Variants in TEKT1 observed in about 807,000 individuals in gnomAD.
TEKT1 encodes tektin-1.
In TEKT1, 32 loss-of-function variants were observed where a neutral mutation model predicts 34.8. That is an observed-to-expected ratio of 0.92 (90% CI 0.69 to 1.23). The LOEUF is 1.23. Ranked by LOEUF, TEKT1 falls within the 50% of genes most tolerant of loss-of-function variation. The probability of loss-of-function intolerance (pLI) is 0.00; values close to 1 mark genes in which losing one functional copy is unlikely to be tolerated. For missense variants in TEKT1, 492 were observed against 518.5 expected (o/e 0.95, Z 0.50); for synonymous variants, 207 against 199.8 (o/e 1.04, Z -0.30).
At chr17:6,804,673 G>A (rs1478488807) in intron 6 of TEKT1, among the ~76,000 whole-genome samples, 19 of 152,068 alleles carry the variant, frequency 1.2e-4, no homozygotes, top group East Asian at 5.8e-4. Flanking sequence ...AGCATGAAGC[G>A]TTGTTGAATT....
intron 2 of TEKT1, among the ~76,000 whole-genome samples, chr17:6,819,774 G>A (rs1189792911): frequency 1.3e-5 from 2 of 152,178 alleles, no homozygotes; most frequent in African/African-American, 2.4e-5. Flanking sequence ...TGCAAGCTCT[G>A]CCTCCCAGGT....
intron 2 of TEKT1, among the ~76,000 whole-genome samples, chr17:6,828,925 C>T (rs978337280): frequency 9.9e-5 from 15 of 151,654 alleles, no homozygotes; most frequent in Non-Finnish European, 1.6e-4. Flanking sequence ...CTGAGGCGGG[C>T]GGACCACCTG....
chr17:6,824,058 G>A (rs749373759), intron 2 of TEKT1, among the ~76,000 whole-genome samples: 4 of 151,932 alleles, frequency 2.6e-5, no homozygotes, highest in Admixed American at 6.6e-5. Flanking sequence ...TCCTGATCTC[G>A]TGATCTGCCC....
chr17:6,804,549 G>A (rs1597785281), intron 6 of TEKT1, among the ~76,000 whole-genome samples: 1 of 152,342 alleles, frequency 6.6e-6, no homozygotes, highest in Non-Finnish European at 1.5e-5. Context: ...AGTTTTCAAA[G>A]GGAATGTTTC....
At chr17:6,815,739 CCTTT>C (rs1976996423) in intron 4 of TEKT1, 91 bp downstream of exon 4, 9 of 1,549,988 alleles carry the variant, frequency 5.8e-6, no homozygotes, top group Admixed American at 3.6e-5. Flanking sequence ...ATGTTGAACC[CCTTT>C]CTTTCTGTGC....
At chr17:6,807,745 T>C (rs1567677544) in intron 6 of TEKT1, among the ~76,000 whole-genome samples, 1 of 152,206 alleles carries the variant, frequency 6.6e-6, no homozygotes, top group Non-Finnish European at 1.5e-5. Flanking sequence ...CCAAACCCTG[T>C]TTGCCTGGGT....
At chr17:6,826,852 C>T (rs921753228) in intron 2 of TEKT1, among the ~76,000 whole-genome samples, 6 of 151,500 alleles carry the variant, frequency 4.0e-5, no homozygotes, top group Non-Finnish European at 2.9e-5. Flanking sequence ...CCCGCCACCA[C>T]GCCCAGCTAA....
intron 2 of TEKT1, among the ~76,000 whole-genome samples, chr17:6,820,955 T>TA (rs1188278154): frequency 6.6e-6 from 1 of 152,248 alleles, no homozygotes; most frequent in African/African-American, 2.4e-5. Flanking sequence ...TGCCCTGAGT[T>TA]ACAGTTTGTA....
chr17:6,812,712 G>A (rs1224428500), intron 6 of TEKT1, 119 bp downstream of exon 6: 5 of 953,066 alleles, frequency 5.2e-6, no homozygotes, highest in Admixed American at 4.7e-5. Flanking sequence ...CCTTACCCAC[G>A]AGTTAACCCA....
At chr17:6,825,577 C>A (rs1904372114) in intron 2 of TEKT1, among the ~76,000 whole-genome samples, 1 of 152,152 alleles carries the variant, frequency 6.6e-6, no homozygotes, top group Non-Finnish European at 1.5e-5. Context: ...CATATAAGAC[C>A]CAGCTCAAGA....
intron 6 of TEKT1, 43 bp from the exon 7 acceptor site, chr17:6,800,986 TC>T: frequency 6.4e-7 from 1 of 1,553,446 alleles, no homozygotes; most frequent in Non-Finnish European, 8.8e-7. Context: ...GCTGTGCTCC[TC>T]AAAACTCAAC....
rs1189294959 is a variant in TEKT1 at position 6,811,754 on chromosome 17, C to T, written c.852+1077G>A. Among the ~76,000 whole-genome samples, 1 of 152,156 alleles carries T rather than the reference C, an allele frequency of 6.6e-6. No homozygotes were observed. Among genetic ancestry groups the T allele is most frequent in the Non-Finnish European group, 1.5e-5 (1 of 68,030 alleles). ...CGTGCCGCCTTGGGGCCCTTCCCCT[C>T]TCTGTTTCAGCTTCACCAGCAGTAA... is the stretch of plus-strand genomic sequence containing the variant. On this transcript the variant is annotated intron_variant, in intron 6 of 7. Coordinates refer to ENST00000338694, the MANE Select transcript of TEKT1 (RefSeq NM_053285.2). This position sits in a 1 kb window ranked among gnomAD's most constrained non-coding sequence, Gnocchi z 4.4.
chr17:6,815,096 GC>G, intron 5 of TEKT1, 66 bp downstream of exon 5: 1 of 1,543,420 alleles, frequency 6.5e-7, no homozygotes, highest in Non-Finnish European at 8.7e-7. Context: ...AGGACGAGCC[GC>G]TAGGTCTTGC....
chr17:6,809,456 C>T (rs1412563058), intron 6 of TEKT1, among the ~76,000 whole-genome samples: 5 of 152,042 alleles, frequency 3.3e-5, no homozygotes, highest in African/African-American at 1.2e-4. Flanking sequence ...GGTCTTGAAC[C>T]TCTGACCTCA....
intron 6 of TEKT1, among the ~76,000 whole-genome samples, chr17:6,801,355 G>A (rs1409893783): frequency 6.6e-6 from 1 of 152,230 alleles, no homozygotes; most frequent in Non-Finnish European, 1.5e-5. Context: ...CCTGAGGAAA[G>A]AAGGAGCAGT....
chr17:6,819,246 G>A lies in TEKT1; in HGVS notation c.303C>T (p.Ala101=), dbSNP rs1977053328. Residue 101 remains alanine (A), a synonymous_variant, in exon 3 of 8, where the codon GCC becomes GCT. Coordinates refer to ENST00000338694, the MANE Select transcript of TEKT1 (RefSeq NM_053285.2). Reference sequence around the variant, plus strand: ...GCAAGGGCTCTTTCAAGGTCTCCAGGGCTTTTTCCAATCTGATCTTATATA... The same window carrying A: ...GCAAGGGCTCTTTCAAGGTCTCCAGAGCTTTTTCCAATCTGATCTTATATA... ...LLIYKIRLEK[A]LETLKEPLHI... 4 of 1,613,978 alleles carry A rather than the reference G, an allele frequency of 2.5e-6. No homozygotes were observed. In the Admixed American group the frequency reaches 5.0e-5, roughly 20 times the overall value.
At position 6,815,166 on chromosome 17, in the gene TEKT1, G is replaced by A. The variant is rs1056311397; in HGVS notation, c.626C>T (p.Pro209Leu). ...RYSENAVRIE[P>L]NSVSLEDWLD... Reference sequence around the variant, plus strand: ...GAAGACGGCAAGGCCCACTCACTTTGGCTCAATCCTCACGGCGTTCTCAGA... The same window carrying A: ...GAAGACGGCAAGGCCCACTCACTTTAGCTCAATCCTCACGGCGTTCTCAGA... The change falls in exon 5 of 8, where the codon CCA (proline) becomes CTA (leucine). Residue 209 changes from proline (P) to leucine (L), a missense_variant. By Grantham distance (98) the Pro-to-Leu change is moderately conservative (BLOSUM62 -3). Transcript: ENST00000338694. 6.2e-7 allele frequency: 1 copy of A among 1,610,402 alleles called. No homozygotes were observed. The highest frequency in any genetic ancestry group is 8.5e-7 in the Non-Finnish European group (1 of 1,178,022).
intron 6 of TEKT1, among the ~76,000 whole-genome samples, chr17:6,806,700 A>G (rs944888024): frequency 2.0e-5 from 3 of 152,122 alleles, no homozygotes; most frequent in African/African-American, 7.2e-5. Flanking sequence ...TTGTCTGTAA[A>G]GGATTTTATT....
chr17:6,819,172 T>G (rs565105936), intron 3 of TEKT1, 21 bp downstream of exon 3: 7 of 1,605,402 alleles, frequency 4.4e-6, no homozygotes, highest in Non-Finnish European at 5.1e-6. Flanking sequence ...CATGAATCAT[T>G]TGAGGGACCT....
Sources: allele counts gnomAD v4.1 joint callset (sites outside exome capture counted in the v4.1 genomes callset), GRCh38; gene constraint gnomAD v4.1.1; non-coding constraint Gnocchi (gnomAD v3.1); transcripts MANE v1.5; gene names NCBI Gene and HGNC (gene_info 2026-07-23, HGNC 2026-07-21).